Variants in TEX11 observed in about 807,000 individuals in gnomAD.
TEX11 encodes testis-expressed protein 11.
Under a neutral mutation model 84.4 loss-of-function variants are expected in TEX11, and 7 were observed. That is an observed-to-expected ratio of 0.08 (90% CI 0.05 to 0.16). TEX11 has a LOEUF of 0.16. Ranked by LOEUF, TEX11 falls within the 10% of genes least tolerant of loss-of-function variation. The pLI, the probability that TEX11 is intolerant of heterozygous loss-of-function variation, is 1.00. For missense variants in TEX11, 551 were observed against 660.5 expected (o/e 0.83, Z 1.82); for synonymous variants, 264 against 222.8 (o/e 1.18, Z -1.64).
At chrX:70,905,413 T>C (rs2091824337) in intron 2 of TEX11, among the ~76,000 whole-genome samples, 1 of 111,651 alleles carries the variant, frequency 9.0e-6, no homozygotes, top group South Asian at 3.8e-4. Context: ...ATACCCAGCA[T>C]TTTTTTAATG....
intron 4 of TEX11, among the ~76,000 whole-genome samples, chrX:70,872,588 A>C: frequency 8.9e-6 from 1 of 112,378 alleles, no homozygotes; most frequent in South Asian, 3.7e-4. Flanking sequence ...CTGTCAGCAC[A>C]CTAGACTTTG....
intron 7 of TEX11, among the ~76,000 whole-genome samples, chrX:70,838,900 C>A (rs2091422851): frequency 8.9e-6 from 1 of 112,347 alleles, no homozygotes; most frequent in Non-Finnish European, 1.9e-5. Flanking sequence ...GCACAGCAGT[C>A]CGAGATCAAA....
chrX:70,644,984 C>G (rs1263053389), intron 17 of TEX11, among the ~76,000 whole-genome samples: 1 of 108,242 alleles, frequency 9.2e-6, no homozygotes, highest in African/African-American at 3.3e-5. Flanking sequence ...ACAGCTGGTA[C>G]CAGAGAAATA....
At chrX:70,897,655 G>GGAAGGAAGGAAGGAAA (rs1569463147) in intron 2 of TEX11, 14 of 82,683 alleles carry the variant, frequency 1.7e-4, no homozygotes, top group Non-Finnish European at 3.1e-4. Flanking sequence ...AAGGAAGGAA[G>GGAAGGAAGGAAGGAAA]GAAGGAAGGA....
rs772841644 is a variant in TEX11 at position 70,656,036 on chromosome X, T to C, written c.1381-4484A>G. ...GAAACACAATTGTCAATTTGTATAA[T>C]TGAATATGTAGACAACCCAGAAGAA... On this transcript the variant is annotated intron_variant, in intron 16 of 29. Coordinates refer to ENST00000374333, the MANE Select transcript of TEX11 (RefSeq NM_031276.3). Among the ~76,000 whole-genome samples the C allele has an allele frequency of 1.4e-4, 15 of 110,397 alleles. No homozygotes were observed. In the South Asian group the frequency reaches 4.7e-3, roughly 34 times the overall value.
chrX:70,799,145 A>G (rs2091172889), intron 9 of TEX11, among the ~76,000 whole-genome samples: 1 of 111,873 alleles, frequency 8.9e-6, no homozygotes, highest in Admixed American at 9.5e-5. Flanking sequence ...TTATCAACAT[A>G]AGCTCCATCA....
At position 70,742,287 on chromosome X, in the gene TEX11, C is replaced by T. The variant is rs368052357; in HGVS notation, c.748-1491G>A. Among the ~76,000 whole-genome samples the T allele has an allele frequency of 9.2e-5, 10 of 109,249 alleles. No individual in the cohort carries two copies. In the South Asian group the frequency reaches 3.8e-3, roughly 42 times the overall value. 94.9% of individuals were successfully genotyped at this position (109,249 alleles called of 115,157 possible). A position where few individuals can be genotyped will look rare whatever the true frequency, so the allele number is the denominator to read the frequency against. On this transcript the variant is annotated intron_variant, in intron 10 of 29. Transcript: ENST00000374333. Reference sequence around the variant, plus strand: ...ATAGGTGAGAACATCCATATCGTTGCAATTATTATAGTTAATTGAGTCTCA... The same window carrying T: ...ATAGGTGAGAACATCCATATCGTTGTAATTATTATAGTTAATTGAGTCTCA...
In TEX11 at chrX:70,650,876, C is replaced by T. The variant is rs190181692; in HGVS notation, c.1483+574G>A. On this transcript the variant is annotated intron_variant, in intron 17 of 29. Transcript: ENST00000374333. ...AAAGGCATATCTATAACCAATTCAA[C>T]ATATATGTGCCCATGCAGACACACC... 7.1e-5 allele frequency among the ~76,000 whole-genome samples: 8 copies of T among 111,956 alleles called. No homozygotes were observed. The East Asian group carries it at 2.2e-3, about 31-fold the overall frequency.
chrX:70,645,965 C>T (rs1336891095), intron 17 of TEX11, among the ~76,000 whole-genome samples: 1 of 110,782 alleles, frequency 9.0e-6, no homozygotes, highest in Admixed American at 9.7e-5. Flanking sequence ...CTAGCTATCG[C>T]AATCTTGAGC....
At chrX:70,802,325 A>C (rs2091193634) in intron 9 of TEX11, among the ~76,000 whole-genome samples, 1 of 111,597 alleles carries the variant, frequency 9.0e-6, no homozygotes, top group Non-Finnish European at 1.9e-5. Flanking sequence ...ACAATCAGTG[A>C]AATTTGAACA....
At chrX:70,848,613 C>A (rs749674561) in intron 7 of TEX11, among the ~76,000 whole-genome samples, 1 of 111,810 alleles carries the variant, frequency 8.9e-6, no homozygotes, top group African/African-American at 3.2e-5. Context: ...AGGGGGAGAG[C>A]AGATTCATTT....
At chrX:70,809,798 C>T in intron 8 of TEX11, among the ~76,000 whole-genome samples, 1 of 110,833 alleles carries the variant, frequency 9.0e-6, no homozygotes, top group Non-Finnish European at 1.9e-5. Flanking sequence ...CGAGGTTCAA[C>T]CCATTCTCGT....
chrX:70,722,555 G>T, intron 13 of TEX11, 63 bp downstream of exon 13: 1 of 926,004 alleles, frequency 1.1e-6, no homozygotes, highest in Non-Finnish European at 1.5e-6. Context: ...GATTCTAGGT[G>T]TGAGCCACTG....
downstream of TEX11, among the ~76,000 whole-genome samples, chrX:70,528,107 C>G (rs2087840214): frequency 9.0e-6 from 1 of 111,402 alleles, no homozygotes; most frequent in South Asian, 3.8e-4. Flanking sequence ...ACTAAGGGGT[C>G]TGAGGATGTT....
intron 13 of TEX11, among the ~76,000 whole-genome samples, chrX:70,717,256 T>G (rs1350075670): frequency 1.8e-5 from 2 of 111,246 alleles, no homozygotes; most frequent in Non-Finnish European, 3.8e-5. Context: ...TCAAGATGGA[T>G]CATCAGAAAA....
At chrX:70,770,300 C>A (rs894190849) in intron 9 of TEX11, among the ~76,000 whole-genome samples, 1 of 111,779 alleles carries the variant, frequency 8.9e-6, no homozygotes, top group Non-Finnish European at 1.9e-5. Context: ...CAATATAAGA[C>A]CTCTGGTGAT....
chrX:70,837,619 AC>A (rs2091413102), intron 7 of TEX11, among the ~76,000 whole-genome samples: 1 of 106,729 alleles, frequency 9.4e-6, no homozygotes, highest in Admixed American at 1.2e-4. Context: ...AAAGACAAGG[AC>A]GGATCGCAAA....
rs180953693 is a variant in TEX11 at position 70,812,078 on chromosome X, G to A, written c.607-5288C>T. Among the ~76,000 whole-genome samples the A allele has an allele frequency of 8.3e-4, 93 of 111,733 alleles. 1 individual carries two copies. Among genetic ancestry groups the A allele is most frequent in the African/African-American group, 1.4e-3 (42 of 30,828 alleles). On this transcript the variant is annotated intron_variant, in intron 8 of 29. Coordinates refer to ENST00000374333, the MANE Select transcript of TEX11 (RefSeq NM_031276.3). ...GGCTTTTGTTGCCATTGTTTTTGGC[G>A]TTTTAGACATGAAGTCCTTGCCCAT...
chrX:70,901,922 T>C (rs2091805512), intron 2 of TEX11, among the ~76,000 whole-genome samples: 1 of 112,500 alleles, frequency 8.9e-6, no homozygotes, highest in African/African-American at 3.2e-5. Flanking sequence ...TATTTAAACA[T>C]ATCTAAACCT....
Sources: gnomAD v4.1 joint callset for allele counts (sites outside exome capture counted in the v4.1 genomes callset) on GRCh38, gnomAD v4.1.1 for gene constraint, MANE v1.5 for transcripts, NCBI Gene and HGNC (gene_info 2026-07-23, HGNC 2026-07-21) for gene names.